The following CADM1 variants were observed in gnomAD, a reference collection of about 807,000 sequenced individuals.
CADM1 encodes the protein cell adhesion molecule 1.
Under a neutral mutation model 53.1 loss-of-function variants are expected in CADM1, and 15 were observed. The observed-to-expected ratio is 0.28, with a 90% CI of 0.19 to 0.44. CADM1 has a LOEUF of 0.44. CADM1 is among the 20% of genes least tolerant of loss of function. The pLI is 1.00. For missense variants in CADM1, 434 were observed against 611.3 expected (o/e 0.71, Z 3.06); for synonymous variants, 281 against 243.0 (o/e 1.16, Z -1.45).
intron 1 of CADM1, among the ~76,000 whole-genome samples, chr11:115,382,012 T>A (rs921229151): frequency 6.6e-6 from 1 of 152,088 alleles, no homozygotes; most frequent in African/African-American, 2.4e-5. Context: ...ACCGGGCTAG[T>A]TTTTGTATTT....
intron 1 of CADM1, among the ~76,000 whole-genome samples, chr11:115,476,657 CA>C (rs1306866331): frequency 6.6e-6 from 1 of 152,142 alleles, no homozygotes; most frequent in Non-Finnish European, 1.5e-5. Context: ...ACCGGATACA[CA>C]AACAGACTAC....
At chr11:115,216,526 A>G (rs1241728585) in intron 6 of CADM1, among the ~76,000 whole-genome samples, 4 of 152,226 alleles carry the variant, frequency 2.6e-5, no homozygotes, top group African/African-American at 9.6e-5. Context: ...TAATTAGGGA[A>G]TAATTCAAAC....
intron 1 of CADM1, among the ~76,000 whole-genome samples, chr11:115,403,775 T>G (rs917172429): frequency 2.6e-5 from 4 of 151,654 alleles, no homozygotes; most frequent in African/African-American, 9.7e-5. Context: ...TTTTGTATTT[T>G]TAGTAGAGAC....
chr11:115,175,365 A>C lies in CADM1; in HGVS notation c.*1109T>G, dbSNP rs1938977023. ...GCCACATCCTACTGCCTTCCTAACTAAGCACAAAGGAAAAAAAAAAAAAAA... is the reference window on the plus strand; with the variant it reads ...GCCACATCCTACTGCCTTCCTAACTCAGCACAAAGGAAAAAAAAAAAAAAA... On this transcript the variant is annotated 3_prime_UTR_variant, in exon 12 of 12. Transcript: ENST00000331581. 1 of 947,066 alleles carries C rather than the reference A, an allele frequency of 1.1e-6. No homozygotes were observed. Among genetic ancestry groups the C allele is most frequent in the Non-Finnish European group, 1.2e-6 (1 of 813,104 alleles). 58.7% of individuals were successfully genotyped at this position (947,066 alleles called of 1,614,324 possible).
chr11:115,361,760 T>C (rs1327187600), intron 1 of CADM1, among the ~76,000 whole-genome samples: 1 of 152,120 alleles, frequency 6.6e-6, no homozygotes, highest in Admixed American at 6.5e-5. Context: ...AGGGTCTTAC[T>C]CTGTACCCTA....
intron 10 of CADM1, among the ~76,000 whole-genome samples, chr11:115,182,346 A>G (rs1939352785): frequency 6.6e-6 from 1 of 152,198 alleles, no homozygotes; most frequent in Admixed American, 6.5e-5. Context: ...AGAGGCTACA[A>G]GTGTTCCTCT....
At position 115,483,578 on chromosome 11, in the gene CADM1, A is replaced by G. The variant is rs116275934; in HGVS notation, c.124+20693T>C. 3.6e-3 allele frequency among the ~76,000 whole-genome samples: 548 copies of G among 152,324 alleles called. 5 individuals carry two copies. The highest frequency in any genetic ancestry group is 0.013 in the African/African-American group (536 of 41,578). On this transcript the variant is annotated intron_variant, in intron 1 of 11. Transcript: ENST00000331581. ...GCAAGAGGAGAGTCAAGAAAAATTCACAAGCCCACAATAGCTCAGTCCAAT... is the reference window on the plus strand; with the variant it reads ...GCAAGAGGAGAGTCAAGAAAAATTCGCAAGCCCACAATAGCTCAGTCCAAT...
chr11:115,414,894 TCTATTTA>T (rs1403654135), intron 1 of CADM1, among the ~76,000 whole-genome samples: 1 of 152,244 alleles, frequency 6.6e-6, no homozygotes, highest in African/African-American at 2.4e-5. Context: ...TCTCTTTTTC[TCTATTTA>T]CTGTGAAATT....
chr11:115,279,363 C>T (rs1943526932), intron 1 of CADM1, among the ~76,000 whole-genome samples: 1 of 152,178 alleles, frequency 6.6e-6, no homozygotes, highest in Admixed American at 6.5e-5. Context: ...AAATATTTCA[C>T]AAAGACCATG....
intron 1 of CADM1, among the ~76,000 whole-genome samples, chr11:115,315,961 T>G (rs920408871): frequency 5.9e-5 from 9 of 152,190 alleles, no homozygotes; most frequent in African/African-American, 2.2e-4. Flanking sequence ...TCTCTCCTCT[T>G]GCTTCCCGGT....
chr11:115,295,550 A>ATATTATATATATATATATATATATTAT (rs371584699), intron 1 of CADM1, among the ~76,000 whole-genome samples: 2 of 53,004 alleles, frequency 3.8e-5, no homozygotes, highest in African/African-American at 2.7e-4. Flanking sequence ...ATATATATAT[A>ATATTATATATATATATATATATATTAT]ATATATATGT....
chr11:115,220,908 T>C (rs947639292), intron 5 of CADM1, among the ~76,000 whole-genome samples: 5 of 152,136 alleles, frequency 3.3e-5, no homozygotes, highest in African/African-American at 1.2e-4. Flanking sequence ...TACCAAACAA[T>C]CCAGATGGCT....
chr11:115,407,873 TAAAAAAAAAAAAA>T (rs148209064), intron 1 of CADM1, among the ~76,000 whole-genome samples: 31 of 31,746 alleles, frequency 9.8e-4, no homozygotes, highest in Admixed American at 2.8e-3. Context: ...CCCTGTCATT[TAAAAAAAAAAAAA>T]AAAAAAAAAA....
chr11:115,329,911 G>A (rs1054043283), intron 1 of CADM1, among the ~76,000 whole-genome samples: 17 of 151,390 alleles, frequency 1.1e-4, no homozygotes, highest in South Asian at 6.3e-4. Context: ...AACTCCTCTC[G>A]GTGTTCAGAT....
At chr11:115,280,829 T>C (rs1752601788) in intron 1 of CADM1, among the ~76,000 whole-genome samples, 1 of 152,232 alleles carries the variant, frequency 6.6e-6, no homozygotes, top group Non-Finnish European at 1.5e-5. Context: ...ACGAGTTTAC[T>C]TATTTACCTA....
intron 1 of CADM1, among the ~76,000 whole-genome samples, chr11:115,270,556 T>A (rs1182938541): frequency 6.6e-6 from 1 of 152,126 alleles, no homozygotes; most frequent in Non-Finnish European, 1.5e-5. Context: ...AAGGAAAGAG[T>A]GGCCTCTTTG....
chr11:115,276,796 C>A (rs1943457944), intron 1 of CADM1, among the ~76,000 whole-genome samples: 2 of 152,058 alleles, frequency 1.3e-5, no homozygotes, highest in Admixed American at 1.3e-4. Context: ...GCTGTTTCTA[C>A]CCTAGATGCT....
intron 10 of CADM1, among the ~76,000 whole-genome samples, chr11:115,186,781 T>C (rs930647068): frequency 6.6e-6 from 1 of 152,208 alleles, no homozygotes; most frequent in African/African-American, 2.4e-5. Context: ...CTCCACCTTC[T>C]TCCAGCCCCA....
At chr11:115,331,061 C>T (rs2135216617) in intron 1 of CADM1, among the ~76,000 whole-genome samples, 1 of 152,230 alleles carries the variant, frequency 6.6e-6, no homozygotes, top group South Asian at 2.1e-4. Context: ...GCAACTCCAT[C>T]TGATTTCAAC....
Sources: allele counts gnomAD v4.1 joint callset (sites outside exome capture counted in the v4.1 genomes callset), GRCh38; gene constraint gnomAD v4.1.1; transcripts MANE v1.5; gene names NCBI Gene and HGNC (gene_info 2026-07-23, HGNC 2026-07-21).